The following CLEC17A variants were observed in gnomAD, a reference collection of about 807,000 sequenced individuals.
The protein encoded by CLEC17A is C-type lectin domain containing 17A, also known as C-type lectin domain family 17, member A.
In CLEC17A, 37 loss-of-function variants were observed where a neutral mutation model predicts 61.3. The observed-to-expected ratio is 0.60, with a 90% CI of 0.46 to 0.79. CLEC17A has a LOEUF of 0.79. Among genes scored for constraint, CLEC17A ranks in the 30% least tolerant of loss-of-function variants. The pLI is 0.00. For missense variants in CLEC17A, 418 were observed against 464.7 expected (o/e 0.90, Z 0.92); for synonymous variants, 168 against 164.9 (o/e 1.02, Z -0.14).
chr19:14,591,534 A>G (rs1298726841), intron 3 of CLEC17A, among the ~76,000 whole-genome samples: 2 of 144,416 alleles, frequency 1.4e-5, no homozygotes, highest in Non-Finnish European at 3.0e-5. Flanking sequence ...AATGGGGGCT[A>G]TTGTCATTGT....
chr19:14,591,898 ATGTGTG>A (rs747656450), intron 3 of CLEC17A, among the ~76,000 whole-genome samples: 74 of 139,028 alleles, frequency 5.3e-4, no homozygotes, highest in East Asian at 1.0e-3. Flanking sequence ...CCGGAGAAAA[ATGTGTG>A]TGTGTGTGTG....
intron 3 of CLEC17A, among the ~76,000 whole-genome samples, chr19:14,591,948 C>T (rs989528200): frequency 1.6e-4 from 21 of 127,480 alleles, no homozygotes; most frequent in Non-Finnish European, 6.6e-5. Flanking sequence ...GTGTGAGGTC[C>T]AGGGGCTTCC....
At chr19:14,582,201 A>G (rs998246714), upstream of CLEC17A, among the ~76,000 whole-genome samples, 10 of 147,776 alleles carry the variant, frequency 6.8e-5, no homozygotes, top group African/African-American at 2.3e-4. Flanking sequence ...TTCTACGAGG[A>G]CCCTTGTAAT....
upstream of CLEC17A, among the ~76,000 whole-genome samples, chr19:14,582,424 G>C (rs1018362333): frequency 4.6e-5 from 7 of 151,678 alleles, no homozygotes; most frequent in Non-Finnish European, 1.0e-4. Context: ...GTGTAAGCCA[G>C]GATGGTCTCG....
upstream of CLEC17A, among the ~76,000 whole-genome samples, chr19:14,581,050 T>G (rs1377749115): frequency 6.6e-6 from 1 of 152,238 alleles, no homozygotes; most frequent in Non-Finnish European, 1.5e-5. Context: ...TTGCTTATAC[T>G]GAGCCTGTCA....
chr19:14,606,687 A>G (rs1568462684), intron 12 of CLEC17A, among the ~76,000 whole-genome samples: 1 of 151,956 alleles, frequency 6.6e-6, no homozygotes, highest in Non-Finnish European at 1.5e-5. Context: ...CTCAAAAAAA[A>G]AAAAAAAAAA....
At chr19:14,592,126 A>AG (rs1472804818) in intron 3 of CLEC17A, among the ~76,000 whole-genome samples, 155 bp from the exon 4 acceptor site, 3 of 152,178 alleles carry the variant, frequency 2.0e-5, no homozygotes, top group African/African-American at 7.2e-5. Flanking sequence ...CAGACCCACC[A>AG]GGTAAGGCCC....
chr19:14,604,278 C>T (rs1285307846), intron 12 of CLEC17A, among the ~76,000 whole-genome samples: 3 of 152,220 alleles, frequency 2.0e-5, no homozygotes, highest in Non-Finnish European at 2.9e-5. Flanking sequence ...AAAAGCTCAC[C>T]GGAAATGAGA....
At chr19:14,609,138 C>T (rs192266776) in intron 13 of CLEC17A, among the ~76,000 whole-genome samples, 9 of 152,184 alleles carry the variant, frequency 5.9e-5, no homozygotes, top group Admixed American at 2.0e-4. Context: ...ATGCTTTTTC[C>T]GCAAAGCTAT....
intron 13 of CLEC17A, 74 bp from the exon 14 acceptor site, chr19:14,609,990 A>G: frequency 9.0e-7 from 1 of 1,105,078 alleles, no homozygotes; most frequent in South Asian, 1.3e-5. Context: ...GGTATTCATC[A>G]TTACAGTATT....
chr19:14,601,918 G>A (rs13343900), intron 12 of CLEC17A, among the ~76,000 whole-genome samples: 28,771 of 151,658 alleles, frequency 0.19, 3,026 homozygotes, highest in Non-Finnish European at 0.23. Flanking sequence ...TCAGCCTCCC[G>A]AGTAGCTGGG....
intron 3 of CLEC17A, 131 bp downstream of exon 3, chr19:14,587,822 A>C: frequency 6.6e-7 from 1 of 1,518,274 alleles, no homozygotes; most frequent in Non-Finnish European, 8.9e-7. Context: ...TGTGGAACCC[A>C]CACCCTGCCC....
intron 4 of CLEC17A, 78 bp downstream of exon 4, chr19:14,592,436 GAC>G: frequency 6.3e-7 from 1 of 1,588,278 alleles, no homozygotes; most frequent in South Asian, 1.1e-5. Context: ...GGGCATTGTA[GAC>G]ACACAGTCAG....
intron 2 of CLEC17A, among the ~76,000 whole-genome samples, chr19:14,586,895 T>C (rs565566423): frequency 6.1e-4 from 92 of 149,894 alleles, no homozygotes; most frequent in South Asian, 2.7e-3. Context: ...TTCTTTCTTT[T>C]TTTTTTTTTT....
At chr19:14,594,461 C>T (rs2074495310) in intron 4 of CLEC17A, 56 bp from the exon 5 acceptor site, 3 of 1,549,032 alleles carry the variant, frequency 1.9e-6, no homozygotes, top group South Asian at 2.4e-5. Flanking sequence ...CCATCACTTC[C>T]TCTTGGCGCA....
At chr19:14,600,438 A>C (rs932706409) in intron 12 of CLEC17A, among the ~76,000 whole-genome samples, 2 of 152,144 alleles carry the variant, frequency 1.3e-5, no homozygotes, top group Non-Finnish European at 1.5e-5. Flanking sequence ...CTAACATGAA[A>C]ATACAATAAT....
At chr19:14,586,516 G>C (rs971782949) in intron 2 of CLEC17A, among the ~76,000 whole-genome samples, 2 of 152,032 alleles carry the variant, frequency 1.3e-5, no homozygotes, top group Non-Finnish European at 2.9e-5. Context: ...TCAACCTCCT[G>C]AGCTCAAGCA....
intron 2 of CLEC17A, 135 bp downstream of exon 2, chr19:14,583,569 C>A (rs1352784107): frequency 6.6e-7 from 1 of 1,518,032 alleles, no homozygotes; most frequent in Non-Finnish European, 8.9e-7. Flanking sequence ...GAACCCACAC[C>A]CTGCCCAGGA....
intron 7 of CLEC17A, 79 bp downstream of exon 7, chr19:14,594,879 A>G: frequency 7.3e-7 from 1 of 1,376,916 alleles, no homozygotes; most frequent in Non-Finnish European, 1.0e-6. Context: ...ATTTTTATTT[A>G]TTTATTTTTT....
Sources: gnomAD v4.1 joint callset for allele counts (sites outside exome capture counted in the v4.1 genomes callset) on GRCh38, gnomAD v4.1.1 for gene constraint, MANE v1.5 for transcripts, NCBI Gene and HGNC (gene_info 2026-07-23, HGNC 2026-07-21) for gene names.